DESI1: variants seen among roughly 807,000 people sequenced by gnomAD.
DESI1 encodes PPPDE peptidase domain containing 2.
DESI1 carries 17 observed loss-of-function variants against 22.4 expected under a neutral mutation model. The ratio of observed to expected loss-of-function variants is 0.76; its 90% CI spans 0.52 to 1.14. DESI1 has a LOEUF of 1.14. Ranked by LOEUF, DESI1 falls within the 50% of genes most tolerant of loss-of-function variation. DESI1 has a pLI of 0.00. For missense variants in DESI1, 177 were observed against 208.9 expected (o/e 0.85, Z 0.94); for synonymous variants, 92 against 84.2 (o/e 1.09, Z -0.51).
chr22:41,606,046 T>G (rs1394364727), intron 3 of DESI1, among the ~76,000 whole-genome samples: 1 of 152,072 alleles, frequency 6.6e-6, no homozygotes, highest in South Asian at 2.1e-4. Flanking sequence ...AGAGTCAGAG[T>G]CAGAGACCAG....
At chr22:41,610,156 C>G (rs977905696) in intron 1 of DESI1, among the ~76,000 whole-genome samples, 2 of 149,948 alleles carry the variant, frequency 1.3e-5, no homozygotes, top group African/African-American at 4.9e-5. Flanking sequence ...CCGAGGCAGG[C>G]GGATCACAGG....
At chr22:41,611,673 A>G (rs1601513520) in intron 1 of DESI1, among the ~76,000 whole-genome samples, 1 of 146,064 alleles carries the variant, frequency 6.8e-6, no homozygotes, top group East Asian at 2.0e-4. Flanking sequence ...GCTGACTGTA[A>G]CCTCCGCCTC....
intron 1 of DESI1, among the ~76,000 whole-genome samples, chr22:41,613,795 C>T (rs998467855): frequency 5.9e-5 from 9 of 152,192 alleles, no homozygotes; most frequent in African/African-American, 1.4e-4. Flanking sequence ...CAGCTCAAAC[C>T]CATTCCTACT....
chr22:41,602,839 G>A (rs2067457101), intron 5 of DESI1: 1 of 1,036,888 alleles, frequency 9.6e-7, no homozygotes, highest in Non-Finnish European at 1.2e-6. Context: ...AAGAGTTCAT[G>A]GTGCAGTGTA....
chr22:41,609,994 C>T (rs1370578932), intron 1 of DESI1, among the ~76,000 whole-genome samples: 10 of 150,598 alleles, frequency 6.6e-5, no homozygotes, highest in African/African-American at 1.2e-4. Flanking sequence ...GCAGGAGAAT[C>T]GCCTGAACCC....
chr22:41,606,831 G>C (rs889545954), intron 3 of DESI1, among the ~76,000 whole-genome samples: 1 of 147,748 alleles, frequency 6.8e-6, no homozygotes, highest in African/African-American at 2.5e-5. Flanking sequence ...GTGGGCTTTA[G>C]TGTGATAATC....
chr22:41,602,488 A>G, intron 5 of DESI1: 1 of 985,452 alleles, frequency 1.0e-6, no homozygotes, highest in Non-Finnish European at 1.2e-6. Flanking sequence ...CTCAGATATA[A>G]AAAACAGCCC....
chr22:41,620,806 A>C lies in DESI1; in HGVS notation c.34T>G (p.Tyr12Asp), dbSNP rs2067587608. 1 of 1,612,674 alleles carries C rather than the reference A, an allele frequency of 6.2e-7. No homozygotes were observed. Among genetic ancestry groups the C allele is most frequent in the South Asian group, 1.1e-5 (1 of 90,902 alleles). The change falls in exon 1 of 6, where the codon TAC (tyrosine) becomes GAC (aspartate). Residue 12 changes from tyrosine (Y) to aspartate (D), a missense_variant. Physicochemically the swap from Tyr to Asp is radical, Grantham distance 160. Coordinates refer to ENST00000263256, the MANE Select transcript of DESI1 (RefSeq NM_015704.3). The part of the protein sequence containing the change: ...EPPNLYPVKL[Y>D]VYDLSKGLAR... ...AGGCCTTTGGACAGGTCGTACACGT[A>C]GAGCTTCACCGGATAGAGATTCGGC...
chr22:41,600,631 A>G lies in DESI1; in HGVS notation c.*466T>C, dbSNP rs1345347102. 1 of 164,372 alleles carries G rather than the reference A, an allele frequency of 6.1e-6. No individual in the cohort carries two copies. Among genetic ancestry groups the G allele is most frequent in the Non-Finnish European group, 1.3e-5 (1 of 74,780 alleles). The allele number at this position is 164,372 out of a possible 1,614,324, so 10.2% of individuals were successfully genotyped here. ...AGTCATCCTGAAACCGGTCCCATGT[A>G]CACCAAATCCTTTGGTTCATTTAAC... On this transcript the variant is annotated 3_prime_UTR_variant, in exon 6 of 6. Coordinates refer to ENST00000263256, the MANE Select transcript of DESI1 (RefSeq NM_015704.3).
At chr22:41,609,914 C>T (rs2067506485) in intron 1 of DESI1, among the ~76,000 whole-genome samples, 2 of 149,930 alleles carry the variant, frequency 1.3e-5, no homozygotes, top group African/African-American at 4.9e-5. Flanking sequence ...AACCCCGTTT[C>T]TACTAAAAAC....
At chr22:41,616,901 G>A (rs145664169) in intron 1 of DESI1, among the ~76,000 whole-genome samples, 229 of 152,282 alleles carry the variant, frequency 1.5e-3, no homozygotes, top group African/African-American at 5.3e-3. Flanking sequence ...CCTGAACTGC[G>A]ACAGAGCTAG....
At chr22:41,615,405 C>T (rs2067544678) in intron 1 of DESI1, among the ~76,000 whole-genome samples, 1 of 149,116 alleles carries the variant, frequency 6.7e-6, no homozygotes, top group African/African-American at 2.5e-5. Flanking sequence ...AGCCTGGGCA[C>T]ACAACAAGAC....
At chr22:41,616,322 A>G (rs570475631) in intron 1 of DESI1, among the ~76,000 whole-genome samples, 3 of 152,238 alleles carry the variant, frequency 2.0e-5, no homozygotes, top group Non-Finnish European at 4.4e-5. Flanking sequence ...AAAATGAAGT[A>G]AAGAATTGAG....
chr22:41,601,029 T>C lies in DESI1; in HGVS notation c.*68A>G. On this transcript the variant is annotated 3_prime_UTR_variant, in exon 6 of 6. Transcript: ENST00000263256. ...CTGATGTAAAATTATAAAATAGAAA[T>C]CTGGTAGGGTTTGTTTTGTTTAAAA... 1.5e-6 allele frequency: 2 copies of C among 1,374,508 alleles called. No homozygotes were observed. Among genetic ancestry groups the C allele is most frequent in the Non-Finnish European group, 2.0e-6 (2 of 987,208 alleles). The allele number at this position is 1,374,508 out of a possible 1,614,324, so 85.1% of individuals were successfully genotyped here.
chr22:41,617,168 T>C (rs2067555929), intron 1 of DESI1, among the ~76,000 whole-genome samples: 1 of 152,230 alleles, frequency 6.6e-6, no homozygotes, highest in African/African-American at 2.4e-5. Context: ...AGAGGTGGTA[T>C]CTCAAAATGA....
At chr22:41,607,782 G>A in intron 2 of DESI1, 58 bp downstream of exon 2, 1 of 1,596,294 alleles carries the variant, frequency 6.3e-7, no homozygotes, top group Non-Finnish European at 8.6e-7. Flanking sequence ...AACCTGAAAT[G>A]CATAGAGTGC....
intron 1 of DESI1, among the ~76,000 whole-genome samples, chr22:41,609,066 C>T (rs2067500527): frequency 6.6e-6 from 1 of 152,150 alleles, no homozygotes; most frequent in African/African-American, 2.4e-5. Flanking sequence ...CTCAGCCTCC[C>T]AAGTAGCTGG....
At chr22:41,618,899 C>A (rs2067565480) in intron 1 of DESI1, among the ~76,000 whole-genome samples, 1 of 152,112 alleles carries the variant, frequency 6.6e-6, no homozygotes, top group Non-Finnish European at 1.5e-5. Context: ...CCCGTCTATA[C>A]TAAAAATACA....
Position 41,607,263 on chromosome 22 carries a change from G to C in DESI1, c.179C>G (p.Pro60Arg). The change falls in exon 3 of 6, where the codon CCG becomes CGG. Residue 60 changes from proline (P) to arginine (R), a missense_variant and splice_region_variant. Physicochemically the swap from Pro to Arg is moderately radical, Grantham distance 103 (BLOSUM62 -2). Coordinates refer to ENST00000263256, the MANE Select transcript of DESI1 (RefSeq NM_015704.3). Reference protein sequence around the residue: ...FGSGGISSCPPGGTLLGPPDS... With the variant: ...FGSGGISSCPRGGTLLGPPDS... ...CAGAGTGTAGGGGAAGACACTCACC[G>C]GGGGGCAGCTGGAGATACCACCACT... The C allele has an allele frequency of 6.2e-7, 1 of 1,607,404 alleles. No individual in the cohort carries two copies. The highest frequency in any genetic ancestry group is 8.5e-7 in the Non-Finnish European group (1 of 1,176,676).
Sources: gnomAD v4.1 joint callset for allele counts (sites outside exome capture counted in the v4.1 genomes callset) on GRCh38, gnomAD v4.1.1 for gene constraint, MANE v1.5 for transcripts, NCBI Gene and HGNC (gene_info 2026-07-23, HGNC 2026-07-21) for gene names.